Variants in PCDHGB6 observed in about 807,000 individuals in gnomAD.
PCDHGB6 encodes the protein protocadherin gamma-B6.
In PCDHGB6, 51 loss-of-function variants were observed where a neutral mutation model predicts 59.1. The ratio of observed to expected loss-of-function variants is 0.86; its 90% confidence interval spans 0.69 to 1.09. PCDHGB6 has a LOEUF of 1.09. PCDHGB6 is among the 50% of genes least tolerant of loss of function. The probability of loss-of-function intolerance (pLI) is 0.00; values close to 1 mark genes in which losing one functional copy is unlikely to be tolerated. For synonymous variants in PCDHGB6, 466 were observed against 495.1 expected, an observed-to-expected ratio of 0.94 and a Z score of 0.78; for missense variants, 1,148 against 1,205.1, an observed-to-expected ratio of 0.95 and a Z score of 0.70.
chr5:141,455,104 G>A (rs2098813087), intron 1 of PCDHGB6, among the ~76,000 whole-genome samples: 1 of 151,888 alleles, frequency 6.6e-6, no homozygotes, highest in East Asian at 1.9e-4. Flanking sequence ...GAGCCACTGC[G>A]CCCGGTGGGT....
Position 141,448,073 on chromosome 5 carries a change from C to T in PCDHGB6, c.2418+37453C>T, listed in dbSNP as rs1025112556. ...TGCTCTCCAGCCTGGGCAACATGAA[C>T]GAAATGCCATCTTAAAAAAAAAAAA... On this transcript the variant is annotated intron_variant, in intron 1 of 3. Coordinates refer to ENST00000520790, the MANE Select transcript of PCDHGB6 (RefSeq NM_018926.3). 3.3e-5 allele frequency among the ~76,000 whole-genome samples: 5 copies of T among 151,432 alleles called. No individual in the cohort carries two copies. In the East Asian group the frequency reaches 5.8e-4, roughly 18 times the overall value.
chr5:141,489,431 T>C lies in PCDHGB6; in HGVS notation c.2419-5376T>C. 6.2e-7 allele frequency: 1 copy of C among 1,614,132 alleles called. No individual in the cohort carries two copies. Among genetic ancestry groups the C allele is most frequent in the Non-Finnish European group, 8.5e-7 (1 of 1,180,024 alleles). On this transcript the variant is annotated intron_variant, in intron 1 of 3. Transcript: ENST00000520790. This position sits in a 1 kb window ranked among gnomAD's most constrained non-coding sequence, Gnocchi z 4.5. ...ATGACAGATCTGTTGAGCCGGCGGC[T>C]GCAATTGGGCTCTGAGGAGAATGGG...
intron 2 of PCDHGB6, among the ~76,000 whole-genome samples, chr5:141,495,175 C>A (rs1337353259): frequency 6.6e-6 from 1 of 152,300 alleles, no homozygotes; most frequent in Middle Eastern, 3.4e-3. Flanking sequence ...TGGGTGAAAG[C>A]GAGGCTTTCT....
At chr5:141,429,571 A>G (rs1221285032) in intron 1 of PCDHGB6, among the ~76,000 whole-genome samples, 2 of 152,156 alleles carry the variant, frequency 1.3e-5, no homozygotes, top group Non-Finnish European at 2.9e-5. Flanking sequence ...ATTCAGTTAC[A>G]TTTACTTTTG....
chr5:141,419,018 AG>A (rs2096314197), intron 1 of PCDHGB6: 1 of 1,613,838 alleles, frequency 6.2e-7, no homozygotes, highest in African/African-American at 1.3e-5. Context: ...GTGTAGCTTA[AG>A]TAGAGGTGTT....
chr5:141,464,063 A>G (rs893270944), intron 1 of PCDHGB6, among the ~76,000 whole-genome samples: 2 of 152,016 alleles, frequency 1.3e-5, no homozygotes, highest in Non-Finnish European at 2.9e-5. Flanking sequence ...TCAGGAGTTC[A>G]AGGCCAGCCT....
chr5:141,451,299 A>T (rs1016384424), intron 1 of PCDHGB6, among the ~76,000 whole-genome samples: 17 of 152,228 alleles, frequency 1.1e-4, no homozygotes, highest in African/African-American at 3.4e-4. Flanking sequence ...AAAGTCTTAC[A>T]AGGCAGCAAT....
intron 1 of PCDHGB6, among the ~76,000 whole-genome samples, chr5:141,473,329 G>A (rs2099319416): frequency 6.6e-6 from 1 of 152,212 alleles, no homozygotes; most frequent in Non-Finnish European, 1.5e-5. Context: ...TTAAGTGCCT[G>A]CTGTGCTAGA....
intron 1 of PCDHGB6, among the ~76,000 whole-genome samples, chr5:141,452,165 C>G (rs917431071): frequency 2.6e-5 from 4 of 152,120 alleles, no homozygotes; most frequent in African/African-American, 9.7e-5. Flanking sequence ...TATTCTATTA[C>G]TAACATTTTT....
rs368791778 is a variant in PCDHGB6, at chr5:141,409,216, T to C, written c.1014T>C (p.Leu338=). The C allele has an allele frequency of 4.3e-6, 7 of 1,613,886 alleles. No homozygotes were observed. The African/African-American group carries it at 9.3e-5, about 22-fold the overall frequency. Residue 338 remains leucine, a synonymous_variant, in exon 1 of 4, where the codon CTT becomes CTC. Coordinates refer to ENST00000520790, the MANE Select transcript of PCDHGB6 (RefSeq NM_018926.3). ...AGTGTAAAGTAATCATAGAAATCCT[T>C]GATGAAAACGACAACAGCCCAGAAA... ...STQCKVIIEI[L]DENDNSPEII...
At position 141,486,530 on chromosome 5, in the gene PCDHGB6, C is replaced by T; in HGVS notation, c.2419-8277C>T. 6.2e-7 allele frequency: 1 copy of T among 1,614,174 alleles called. No homozygotes were observed. The highest frequency in any genetic ancestry group is 8.5e-7 in the Non-Finnish European group (1 of 1,180,022). On this transcript the variant is annotated intron_variant, in intron 1 of 3. Transcript: ENST00000520790. The surrounding 1 kb of genome is among the most constrained non-coding windows in gnomAD (Gnocchi z 5.0). Reference sequence around the variant, plus strand: ...TATTTCAGATGTGAATGATAATCCACCCTCTTTCTTTCAGAGGTCACATGA... The same window carrying T: ...TATTTCAGATGTGAATGATAATCCATCCTCTTTCTTTCAGAGGTCACATGA...
At chr5:141,479,573 C>A (rs1468041584) in intron 1 of PCDHGB6, 1 of 152,230 alleles carries the variant, frequency 6.6e-6, no homozygotes, top group Admixed American at 6.5e-5. Flanking sequence ...GGGATGACAT[C>A]TGTGAATAGC....
chr5:141,458,922 G>A (rs747489537), intron 1 of PCDHGB6, among the ~76,000 whole-genome samples: 2 of 151,918 alleles, frequency 1.3e-5, no homozygotes, highest in East Asian at 1.9e-4. Flanking sequence ...TTGTGGAGAC[G>A]GGGTCTCACT....
intron 3 of PCDHGB6, among the ~76,000 whole-genome samples, chr5:141,509,338 C>T (rs2099876319): frequency 6.6e-6 from 1 of 152,188 alleles, no homozygotes; most frequent in Admixed American, 6.5e-5. Flanking sequence ...CCAGCTGGGC[C>T]TGGGCTGGCC....
Position 141,486,388 on chromosome 5 carries a change from C to T in PCDHGB6, c.2419-8419C>T, listed in dbSNP as rs2099628930. ...TCAAGTCTGCCTTCAGGAACCAGTT[C>T]TCCCTGGTGACTGCTGGACCCTTGG... On this transcript the variant is annotated intron_variant, in intron 1 of 3. Coordinates refer to ENST00000520790, the MANE Select transcript of PCDHGB6 (RefSeq NM_018926.3). This position sits in a 1 kb window ranked among gnomAD's most constrained non-coding sequence, Gnocchi z 5.0. 2 of 1,613,988 alleles carry T rather than the reference C, an allele frequency of 1.2e-6. No individual in the cohort carries two copies. The highest frequency in any genetic ancestry group is 2.7e-5 in the African/African-American group (2 of 74,924).
At chr5:141,481,963 TA>T (rs1158466251) in intron 1 of PCDHGB6, among the ~76,000 whole-genome samples, 1 of 148,746 alleles carries the variant, frequency 6.7e-6, no homozygotes, top group Non-Finnish European at 1.5e-5. Context: ...CAGGTGCCTG[TA>T]GTCACAGCTA....
chr5:141,437,247 C>T (rs2097870457), intron 1 of PCDHGB6, among the ~76,000 whole-genome samples: 2 of 152,090 alleles, frequency 1.3e-5, no homozygotes, highest in Non-Finnish European at 2.9e-5. Context: ...AAGGACTTTC[C>T]TTGTCTTTTT....
rs2095152952 is a variant in PCDHGB6 at position 141,408,694 on chromosome 5, A to T, written c.492A>T (p.Ile164=). The change falls in exon 1 of 4, where the codon ATA becomes ATT. Residue 164 remains isoleucine, a synonymous_variant. Transcript: ENST00000520790. The part of the protein sequence containing the change: ...LDPATDPDIN[I]NSIKDYKINS... Reference sequence around the variant, plus strand: ...CTGCCACGGATCCTGATATAAACATAAACTCAATTAAAGATTATAAGATAA... The same window carrying T: ...CTGCCACGGATCCTGATATAAACATTAACTCAATTAAAGATTATAAGATAA... 1 of 1,613,772 alleles carries T rather than the reference A, an allele frequency of 6.2e-7. No individual in the cohort carries two copies. Among genetic ancestry groups the T allele is most frequent in the African/African-American group, 1.3e-5 (1 of 75,028 alleles).
Position 141,511,643 on chromosome 5 carries a change from C to T in PCDHGB6, c.*470C>T, listed in dbSNP as rs937995879. ...TGAAAAGTTGGAAGGGCATCATGACCTCTTGGCCTCTCCTTTGATTCTCAA... is the reference window on the plus strand; with the variant it reads ...TGAAAAGTTGGAAGGGCATCATGACTTCTTGGCCTCTCCTTTGATTCTCAA... On this transcript the variant is annotated 3_prime_UTR_variant, in exon 4 of 4. Coordinates refer to ENST00000520790, the MANE Select transcript of PCDHGB6 (RefSeq NM_018926.3). 4 of 218,904 alleles carry T rather than the reference C, an allele frequency of 1.8e-5. No homozygotes were observed. The highest frequency in any genetic ancestry group is 5.2e-5 in the Admixed American group (1 of 19,306). 13.6% of individuals were successfully genotyped at this position (218,904 alleles called of 1,614,324 possible). A position where few individuals can be genotyped will look rare whatever the true frequency, so the allele number is the denominator to read the frequency against.
Sources: allele counts gnomAD v4.1 joint callset (sites outside exome capture counted in the v4.1 genomes callset), GRCh38; gene constraint gnomAD v4.1.1; non-coding constraint Gnocchi (gnomAD v3.1); transcripts MANE v1.5; gene names NCBI Gene and HGNC (gene_info 2026-07-23, HGNC 2026-07-21).